The following HIVEP1 variants were observed in gnomAD, a reference collection of about 807,000 sequenced individuals.
The protein encoded by HIVEP1 is HIVEP zinc finger 1.
Under a neutral mutation model 180.0 loss-of-function variants are expected in HIVEP1, and 36 were observed. The observed-to-expected ratio is 0.20, with a 90% CI of 0.15 to 0.26. The LOEUF is 0.26. Ranked by LOEUF, HIVEP1 falls within the 10% of genes least tolerant of loss-of-function variation. HIVEP1 has a pLI of 1.00. For missense variants in HIVEP1, 3,143 were observed against 3,268.7 expected, an observed-to-expected ratio of 0.96 and a Z score of 0.94; for synonymous variants, 1,239 against 1,239.0, an observed-to-expected ratio of 1.00 and a Z score of 0.00.
At chr6:12,150,798 T>A (rs552488473) in intron 7 of HIVEP1, among the ~76,000 whole-genome samples, 8 of 152,230 alleles carry the variant, frequency 5.3e-5, no homozygotes, top group African/African-American at 1.9e-4. Flanking sequence ...TATATATATA[T>A]AATTGTATTC....
chr6:12,051,034 ATATTAAAAT>A (rs1770504407), intron 2 of HIVEP1, among the ~76,000 whole-genome samples: 1 of 142,758 alleles, frequency 7.0e-6, no homozygotes, highest in African/African-American at 2.5e-5. Context: ...ATATATATGT[ATATTAAAAT>A]AAATATCAGG....
At chr6:12,112,093 C>G (rs1317961262) in intron 3 of HIVEP1, among the ~76,000 whole-genome samples, 1 of 152,140 alleles carries the variant, frequency 6.6e-6, no homozygotes, top group Non-Finnish European at 1.5e-5. Context: ...GGCCTGAAGA[C>G]AACGAATTCT....
chr6:12,009,136 G>A (rs1463270941), upstream of HIVEP1, among the ~76,000 whole-genome samples: 1 of 146,634 alleles, frequency 6.8e-6, no homozygotes, highest in Admixed American at 6.8e-5. Flanking sequence ...CGGCGGCGGC[G>A]GCGGCGGCGC....
chr6:12,027,361 C>T lies in HIVEP1; in HGVS notation c.40+11693C>T, dbSNP rs1467616526. On this transcript the variant is annotated intron_variant, in intron 2 of 8. Transcript: ENST00000379388. Reference sequence around the variant, plus strand: ...TCACATTTGGTTGGGAAGAAGTCCACTTACTTGTGGTTTTAAAATGAAGGG... The same window carrying T: ...TCACATTTGGTTGGGAAGAAGTCCATTTACTTGTGGTTTTAAAATGAAGGG... Among the ~76,000 whole-genome samples, 4 of 152,304 alleles carry T rather than the reference C, an allele frequency of 2.6e-5. No individual in the cohort carries two copies. In the South Asian group the frequency reaches 6.2e-4, roughly 24 times the overall value.
intron 3 of HIVEP1, among the ~76,000 whole-genome samples, chr6:12,104,424 C>CTTTTTTTTTTTTT (rs1561942316): frequency 1.3e-5 from 1 of 79,796 alleles, no homozygotes; most frequent in Non-Finnish European, 2.7e-5. Flanking sequence ...CCTTTTCTTT[C>CTTTTTTTTTTTTT]CTTTTTTTTT....
intron 2 of HIVEP1, among the ~76,000 whole-genome samples, chr6:12,054,593 T>G (rs1770743529): frequency 6.6e-6 from 1 of 152,246 alleles, no homozygotes; most frequent in African/African-American, 2.4e-5. Flanking sequence ...TATTTTTCGG[T>G]GTCATTAAAA....
intron 2 of HIVEP1, among the ~76,000 whole-genome samples, chr6:12,053,364 A>C (rs891144031): frequency 2.0e-5 from 3 of 151,722 alleles, no homozygotes; most frequent in Admixed American, 6.6e-5. Context: ...ATTTTTTTCT[A>C]GTCAAGTTAG....
chr6:12,171,872 G>A, the HIVEP1 span, among the ~76,000 whole-genome samples: 3 of 152,134 alleles, frequency 2.0e-5, no homozygotes, highest in East Asian at 1.9e-4. Flanking sequence ...TATGATTCAC[G>A]CCAATCCTCT....
chr6:12,040,880 G>T (rs1316845669), intron 2 of HIVEP1, among the ~76,000 whole-genome samples: 2 of 151,610 alleles, frequency 1.3e-5, no homozygotes, highest in African/African-American at 2.4e-5. Context: ...GTGAAGAGTG[G>T]TGGGGGGGAC....
chr6:12,130,911 C>T lies in HIVEP1; in HGVS notation c.6354C>T (p.Cys2118=), dbSNP rs1340008378. The T allele has an allele frequency of 6.2e-6, 10 of 1,610,604 alleles. No individual in the cohort carries two copies. The highest frequency in any genetic ancestry group is 8.5e-6 in the Non-Finnish European group (10 of 1,177,686). The change falls in exon 6 of 9, where the codon TGC becomes TGT. Residue 2118 remains cysteine, a synonymous_variant. Transcript: ENST00000379388. The part of the protein sequence containing the change: ...RTHTDVRPYH[C]TYCNFSFKTK... ...ATACAGATGTCCGCCCCTACCACTGCACTTACTGTAACTTCTCCTTTAAGA... is the reference window on the plus strand; with the variant it reads ...ATACAGATGTCCGCCCCTACCACTGTACTTACTGTAACTTCTCCTTTAAGA...
At chr6:12,190,226 C>G in the HIVEP1 span, among the ~76,000 whole-genome samples, 2 of 152,146 alleles carry the variant, frequency 1.3e-5, no homozygotes, top group Non-Finnish European at 2.9e-5. Flanking sequence ...CCTTTAGTTC[C>G]TTTTGAATTA....
chr6:12,142,917 A>T (rs1759138246), intron 7 of HIVEP1, among the ~76,000 whole-genome samples: 1 of 152,238 alleles, frequency 6.6e-6, no homozygotes, highest in Non-Finnish European at 1.5e-5. Context: ...AAAAAAGTCC[A>T]GGACCAGATG....
chr6:12,018,747 G>A (rs975062931), intron 2 of HIVEP1, among the ~76,000 whole-genome samples: 1 of 152,144 alleles, frequency 6.6e-6, no homozygotes, highest in Non-Finnish European at 1.5e-5. Context: ...TTCATCCTGG[G>A]GTAGCAGGTT....
intron 2 of HIVEP1, among the ~76,000 whole-genome samples, chr6:12,016,653 A>C (rs1216104695): frequency 1.3e-5 from 2 of 152,238 alleles, no homozygotes; most frequent in African/African-American, 4.8e-5. Flanking sequence ...CTGTTGCCTC[A>C]GGTGGATGCC....
chr6:12,053,460 A>G lies in HIVEP1; in HGVS notation c.41-35724A>G, dbSNP rs996109861. 3.3e-5 allele frequency among the ~76,000 whole-genome samples: 5 copies of G among 152,208 alleles called. No homozygotes were observed. The South Asian group carries it at 8.3e-4, about 25-fold the overall frequency. On this transcript the variant is annotated intron_variant, in intron 2 of 8. Transcript: ENST00000379388. ...TGGAAAATTATTATAAGAAAACACC[A>G]TTAATTATAAATTAACTAAAATTTT... is the stretch of plus-strand genomic sequence containing the variant.
At chr6:12,130,973 T>C (rs763358081) in intron 6 of HIVEP1, 31 bp downstream of exon 6, 1 of 1,522,786 alleles carries the variant, frequency 6.6e-7, no homozygotes, top group Non-Finnish European at 9.0e-7. Flanking sequence ...CAAGGTCCTT[T>C]TAATATGTAT....
At chr6:12,129,470 GTTAAAC>G (rs1267187456) in intron 4 of HIVEP1, 1 of 425,004 alleles carries the variant, frequency 2.4e-6, no homozygotes, top group African/African-American at 2.1e-5. Flanking sequence ...AAAAGTTTCT[GTTAAAC>G]TTAAGAAATA....
At chr6:12,172,407 T>G in the HIVEP1 span, among the ~76,000 whole-genome samples, 1 of 152,036 alleles carries the variant, frequency 6.6e-6, no homozygotes, top group Non-Finnish European at 1.5e-5. Context: ...AAGTTTTAAG[T>G]TTTATTTCCC....
At chr6:12,061,178 A>C (rs1028460789) in intron 2 of HIVEP1, among the ~76,000 whole-genome samples, 5 of 152,182 alleles carry the variant, frequency 3.3e-5, no homozygotes, top group African/African-American at 1.2e-4. Flanking sequence ...TGGATTCTCT[A>C]TGTGAAATGA....
Sources: allele counts gnomAD v4.1 joint callset (sites outside exome capture counted in the v4.1 genomes callset), GRCh38; gene constraint gnomAD v4.1.1; transcripts MANE v1.5; gene names NCBI Gene and HGNC (gene_info 2026-07-23, HGNC 2026-07-21).